RABGAP1L: variants seen among roughly 807,000 people sequenced by gnomAD.
The protein encoded by RABGAP1L is RAB GTPase activating protein 1 like, also known as rab GTPase-activating protein 1-like.
A neutral mutation model predicts 137.7 loss-of-function variants in RABGAP1L; 63 were observed. That is an observed-to-expected ratio of 0.46 (90% CI 0.37 to 0.56). The LOEUF is 0.56. Ranked by LOEUF, RABGAP1L falls within the 20% of genes least tolerant of loss-of-function variation. The probability of loss-of-function intolerance (pLI) is 0.00; values close to 1 mark genes in which losing one functional copy is unlikely to be tolerated. For missense variants in RABGAP1L, 1,095 were observed against 1,244.0 expected (o/e 0.88, Z 1.80); for synonymous variants, 431 against 433.7 (o/e 0.99, Z 0.08).
intron 13 of RABGAP1L, among the ~76,000 whole-genome samples, chr1:174,532,445 G>T (rs1664503787): frequency 6.6e-6 from 1 of 152,070 alleles, no homozygotes. Context: ...CTGACCTCAT[G>T]ATCCACCCGC....
chr1:174,712,524 C>A (rs1237167123), intron 17 of RABGAP1L, among the ~76,000 whole-genome samples: 1 of 152,138 alleles, frequency 6.6e-6, no homozygotes, highest in Non-Finnish European at 1.5e-5. Flanking sequence ...CACATCTGAA[C>A]ATCTGAAGGA....
intron 11 of RABGAP1L, among the ~76,000 whole-genome samples, chr1:174,364,345 C>T (rs1193676986): frequency 7.0e-6 from 1 of 142,714 alleles, no homozygotes; most frequent in Non-Finnish European, 1.5e-5. Flanking sequence ...AGCTCCGCCT[C>T]CCGGGTTCAC....
At chr1:174,955,939 ATAAG>A (rs1668454964) in intron 19 of RABGAP1L, among the ~76,000 whole-genome samples, 1 of 152,152 alleles carries the variant, frequency 6.6e-6, no homozygotes, top group East Asian at 1.9e-4. Context: ...ATAAAATAAT[ATAAG>A]TAAGGGAATT....
intron 1 of RABGAP1L, among the ~76,000 whole-genome samples, chr1:174,175,319 G>T (rs933553781): frequency 6.6e-6 from 1 of 152,128 alleles, no homozygotes; most frequent in Non-Finnish European, 1.5e-5. Context: ...ATGGCATGAA[G>T]TTGGGGTCTG....
At chr1:174,713,485 T>G (rs1244348279) in intron 17 of RABGAP1L, among the ~76,000 whole-genome samples, 1 of 152,182 alleles carries the variant, frequency 6.6e-6, no homozygotes, top group Non-Finnish European at 1.5e-5. Context: ...CACCATCCCC[T>G]TGGCAATGAG....
At chr1:174,441,917 C>T (rs572515211) in intron 13 of RABGAP1L, among the ~76,000 whole-genome samples, 8 of 151,306 alleles carry the variant, frequency 5.3e-5, no homozygotes, top group African/African-American at 1.9e-4. Context: ...CTCTTCATCT[C>T]ATGTTTTCAT....
chr1:174,311,899 GC>G (rs1678893163), intron 11 of RABGAP1L, among the ~76,000 whole-genome samples: 1 of 152,186 alleles, frequency 6.6e-6, no homozygotes, highest in Admixed American at 6.5e-5. Flanking sequence ...GAGCCACCAT[GC>G]CCAGCTGACA....
At chr1:174,395,330 C>T (rs148887712) in intron 13 of RABGAP1L, among the ~76,000 whole-genome samples, 11 of 152,090 alleles carry the variant, frequency 7.2e-5, no homozygotes, top group Non-Finnish European at 1.5e-4. Flanking sequence ...ACTTAATCCT[C>T]ATAAAATGTG....
chr1:174,716,616 C>T (rs1681034444), intron 17 of RABGAP1L, among the ~76,000 whole-genome samples: 1 of 152,164 alleles, frequency 6.6e-6, no homozygotes, highest in Non-Finnish European at 1.5e-5. Context: ...TGGGTTGTCT[C>T]ACCGGGACTT....
Position 174,993,207 on chromosome 1 carries a change from G to A in RABGAP1L, c.*3206G>A, listed in dbSNP as rs1558317183. On this transcript the variant is annotated 3_prime_UTR_variant, in exon 26 of 26. Transcript: ENST00000681986. Reference sequence around the variant, plus strand: ...ATATAATTTAATGCAAAGAAATTCTGTTACTTAATGTTCTGTTTATTTATG... The same window carrying A: ...ATATAATTTAATGCAAAGAAATTCTATTACTTAATGTTCTGTTTATTTATG... 1 of 152,134 alleles carries A rather than the reference G, an allele frequency of 6.6e-6. No individual in the cohort carries two copies. Among genetic ancestry groups the A allele is most frequent in the African/African-American group, 2.4e-5 (1 of 41,430 alleles). 9.4% of individuals were successfully genotyped at this position (152,134 alleles called of 1,614,324 possible).
intron 5 of RABGAP1L, among the ~76,000 whole-genome samples, chr1:174,249,797 C>T (rs1486165530): frequency 6.6e-6 from 1 of 152,060 alleles, no homozygotes. Context: ...TGTGCACCAC[C>T]ATGCCCTGCT....
At chr1:174,677,502 C>T (rs1189351688) in intron 14 of RABGAP1L, among the ~76,000 whole-genome samples, 2 of 152,166 alleles carry the variant, frequency 1.3e-5, no homozygotes, top group African/African-American at 4.8e-5. Context: ...TGGGGTAGAC[C>T]TGCTTTTGCC....
intron 19 of RABGAP1L, among the ~76,000 whole-genome samples, chr1:174,833,449 GATATATAT>G (rs760181639): frequency 3.6e-5 from 1 of 27,828 alleles, no homozygotes; most frequent in Non-Finnish European, 1.1e-4. Flanking sequence ...TGTGTGTAGA[GATATATAT>G]ATATATATAT....
chr1:174,303,920 G>A (rs546362415), intron 10 of RABGAP1L, among the ~76,000 whole-genome samples: 8 of 151,972 alleles, frequency 5.3e-5, no homozygotes, highest in African/African-American at 9.7e-5. Flanking sequence ...TTTTCTTGCC[G>A]TAATGCACTG....
intron 19 of RABGAP1L, among the ~76,000 whole-genome samples, chr1:174,828,062 T>C (rs1691764324): frequency 6.7e-6 from 1 of 148,310 alleles, no homozygotes. Context: ...ATAAAAACTT[T>C]TGTCCCTAAA....
At chr1:174,620,463 A>T (rs1180954913) in intron 13 of RABGAP1L, among the ~76,000 whole-genome samples, 1 of 152,234 alleles carries the variant, frequency 6.6e-6, no homozygotes, top group Non-Finnish European at 1.5e-5. Flanking sequence ...TCAAACTAGA[A>T]CTCAGGATTA....
chr1:174,679,909 A>T (rs529507360), intron 14 of RABGAP1L, among the ~76,000 whole-genome samples: 1 of 152,352 alleles, frequency 6.6e-6, no homozygotes, highest in South Asian at 2.1e-4. Context: ...TAGACTTACC[A>T]GGTTTTTAAA....
chr1:174,420,403 C>T (rs1651114701), intron 13 of RABGAP1L, among the ~76,000 whole-genome samples: 1 of 152,016 alleles, frequency 6.6e-6, no homozygotes, highest in Admixed American at 6.6e-5. Flanking sequence ...AGATGTTATT[C>T]ATGATATAGT....
chr1:174,660,980 G>A (rs1205355327), intron 14 of RABGAP1L, among the ~76,000 whole-genome samples: 5 of 151,942 alleles, frequency 3.3e-5, no homozygotes, highest in African/African-American at 9.7e-5. Flanking sequence ...GCAATTTTTT[G>A]TCCATTTTAT....
Sources: gnomAD v4.1 joint callset for allele counts (sites outside exome capture counted in the v4.1 genomes callset) on GRCh38, gnomAD v4.1.1 for gene constraint, MANE v1.5 for transcripts, NCBI Gene and HGNC (gene_info 2026-07-23, HGNC 2026-07-21) for gene names.